Variants in PREX2 observed in about 807,000 individuals in gnomAD.
The protein encoded by PREX2 is phosphatidylinositol-3,4,5-trisphosphate dependent Rac exchange factor 2.
PREX2 carries 107 observed loss-of-function variants against 203.2 expected under a neutral mutation model. The observed-to-expected ratio is 0.53, with a 90% CI of 0.45 to 0.62. The LOEUF (loss-of-function observed/expected upper bound fraction) is 0.62. Among genes scored for constraint, PREX2 ranks in the 20% least tolerant of loss-of-function variants. PREX2 has a pLI of 0.00. For synonymous variants in PREX2, 672 were observed against 663.6 expected, an observed-to-expected ratio of 1.01 and a Z score of -0.19; for missense variants, 1,777 against 1,955.9, an observed-to-expected ratio of 0.91 and a Z score of 1.72.
intron 10 of PREX2, among the ~76,000 whole-genome samples, chr8:68,060,288 C>G (rs1808809205): frequency 6.6e-6 from 1 of 152,212 alleles, no homozygotes; most frequent in African/African-American, 2.4e-5. Flanking sequence ...TAAGTTATTA[C>G]TACTCTATTC....
intron 8 of PREX2, among the ~76,000 whole-genome samples, chr8:68,051,437 GA>G (rs1023143743): frequency 6.6e-6 from 1 of 152,074 alleles, no homozygotes; most frequent in Non-Finnish European, 1.5e-5. Context: ...AAGACAGCCT[GA>G]AAAAAAGCTT....
chr8:68,214,619 A>G (rs1585869411), intron 37 of PREX2, among the ~76,000 whole-genome samples: 1 of 152,378 alleles, frequency 6.6e-6, no homozygotes, highest in East Asian at 1.9e-4. Flanking sequence ...GAATGCCAGC[A>G]TCAGAATGTT....
intron 8 of PREX2, among the ~76,000 whole-genome samples, chr8:68,050,667 G>C (rs1808502704): frequency 6.6e-6 from 1 of 152,188 alleles, no homozygotes; most frequent in Non-Finnish European, 1.5e-5. Flanking sequence ...ATAGCCACAT[G>C]TGATCAATCA....
Position 68,115,941 on chromosome 8 carries a change from C to T in PREX2, c.3326+9C>T. The stretch of plus-strand genomic sequence containing the variant: ...AACAGAGACTCTTACAGGTAATTCA[C>T]TAATTCCTCAAACTCATTTTCTTAA... On this transcript the variant is annotated intron_variant, in intron 26 of 39. Coordinates refer to ENST00000288368, the MANE Select transcript of PREX2 (RefSeq NM_024870.4). 1 of 1,574,152 alleles carries T rather than the reference C, an allele frequency of 6.4e-7. No individual in the cohort carries two copies. Among genetic ancestry groups the T allele is most frequent in the Non-Finnish European group, 8.6e-7 (1 of 1,159,924 alleles).
At chr8:68,139,039 C>G (rs1811168735) in intron 33 of PREX2, among the ~76,000 whole-genome samples, 1 of 152,130 alleles carries the variant, frequency 6.6e-6, no homozygotes, top group Non-Finnish European at 1.5e-5. Flanking sequence ...TAAATGCCTA[C>G]TTCTTGCCAA....
chr8:68,002,095 AAAAG>A (rs1806954316), intron 1 of PREX2, among the ~76,000 whole-genome samples: 2 of 151,704 alleles, frequency 1.3e-5, no homozygotes, highest in Admixed American at 6.6e-5. Context: ...ACTTAAAAAA[AAAAG>A]AAAGTGCATG....
chr8:68,204,678 C>G (rs973322657), intron 37 of PREX2, among the ~76,000 whole-genome samples: 2 of 83,426 alleles, frequency 2.4e-5, no homozygotes, highest in African/African-American at 5.1e-5. Context: ...TTTCTTCTTT[C>G]TTTTTTTTTT....
At chr8:68,127,258 C>T (rs1388844448) in intron 30 of PREX2, 120 bp from the exon 31 acceptor site, 1 of 687,392 alleles carries the variant, frequency 1.5e-6, no homozygotes, top group African/African-American at 1.9e-5. Flanking sequence ...GGCAAAACCA[C>T]AACTACTTTT....
chr8:68,006,074 A>C (rs1235389300), intron 1 of PREX2, among the ~76,000 whole-genome samples: 1 of 152,210 alleles, frequency 6.6e-6, no homozygotes, highest in African/African-American at 2.4e-5. Context: ...TTCTTTGACC[A>C]AAATGTACAA....
chr8:68,189,467 T>C (rs1812253132), intron 35 of PREX2, among the ~76,000 whole-genome samples: 1 of 152,140 alleles, frequency 6.6e-6, no homozygotes, highest in African/African-American at 2.4e-5. Context: ...ATGACAGCAC[T>C]CCTCTCAGAT....
At chr8:68,110,874 TTTTCTA>T (rs1810520360) in intron 25 of PREX2, 2 of 337,308 alleles carry the variant, frequency 5.9e-6, no homozygotes. Flanking sequence ...AAGATTTTGT[TTTTCTA>T]TTTCTAATAT....
chr8:68,015,871 G>T (rs1159596459), intron 1 of PREX2, among the ~76,000 whole-genome samples: 1 of 152,062 alleles, frequency 6.6e-6, no homozygotes, highest in Non-Finnish European at 1.5e-5. Flanking sequence ...CTTTAGATAA[G>T]AGTTCAAAAA....
intron 37 of PREX2, among the ~76,000 whole-genome samples, chr8:68,204,961 A>G (rs1033665012): frequency 6.6e-6 from 1 of 151,896 alleles, no homozygotes; most frequent in East Asian, 1.9e-4. Context: ...GATTACAGGC[A>G]TGAGCCACCA....
At chr8:68,124,179 A>T (rs776281830) in intron 30 of PREX2, among the ~76,000 whole-genome samples, 1 of 152,120 alleles carries the variant, frequency 6.6e-6, no homozygotes, top group African/African-American at 2.4e-5. Context: ...TCATAAAGAT[A>T]TGTGCACACG....
chr8:67,967,873 T>C (rs962409487), intron 1 of PREX2, among the ~76,000 whole-genome samples: 1 of 151,988 alleles, frequency 6.6e-6, no homozygotes, highest in African/African-American at 2.4e-5. Flanking sequence ...TAGGTGGGAA[T>C]TGAACAATGA....
intron 35 of PREX2, among the ~76,000 whole-genome samples, chr8:68,168,845 T>C (rs1545066): frequency 0.79 from 120,729 of 152,014 alleles, 48,466 homozygotes; most frequent in African/African-American, 0.91. Flanking sequence ...TTCACACTTT[T>C]ACTTCAAACC....
At chr8:68,141,181 T>C (rs904381240) in intron 33 of PREX2, among the ~76,000 whole-genome samples, 1 of 152,186 alleles carries the variant, frequency 6.6e-6, no homozygotes, top group African/African-American at 2.4e-5. Flanking sequence ...ACTAGCTAAA[T>C]GGTAAGTTTG....
chr8:68,146,349 C>A lies in PREX2; in HGVS notation c.4228C>A (p.Gln1410Lys), dbSNP rs1182604284. ...GFKIHPVLFAQALESMEGYYY... is the reference protein window; with the variant it reads ...GFKIHPVLFAKALESMEGYYY... ...TAAAATTCATCCTGTTCTTTTTGCA[C>A]AAGGTAAACTGTTTCTCTTTTGATG... The change falls in exon 34 of 40, where the codon CAA (glutamine) becomes AAA (lysine). Residue 1410 changes from glutamine to lysine, a missense_variant. Physicochemically the swap from Gln to Lys is moderately conservative, Grantham distance 53 (BLOSUM62 1). Transcript: ENST00000288368. 1.9e-6 allele frequency: 3 copies of A among 1,611,138 alleles called. No homozygotes were observed. The highest frequency in any genetic ancestry group is 3.3e-5 in the Admixed American group (2 of 59,800).
chr8:68,068,616 T>C (rs1386932281), intron 11 of PREX2, among the ~76,000 whole-genome samples: 3 of 152,058 alleles, frequency 2.0e-5, no homozygotes, highest in Non-Finnish European at 4.4e-5. Flanking sequence ...CAAATCACAA[T>C]GCACTAGTTT....
Sources: gnomAD v4.1 joint callset for allele counts (sites outside exome capture counted in the v4.1 genomes callset) on GRCh38, gnomAD v4.1.1 for gene constraint, MANE v1.5 for transcripts, NCBI Gene and HGNC (gene_info 2026-07-23, HGNC 2026-07-21) for gene names.